The following LZTFL1 variants were observed in gnomAD, a reference collection of about 807,000 sequenced individuals.
The protein encoded by LZTFL1 is leucine zipper transcription factor like 1.
LZTFL1 carries 25 observed loss-of-function variants against 45.9 expected under a neutral mutation model. The ratio of observed to expected loss-of-function variants is 0.54; its 90% CI spans 0.40 to 0.76. The LOEUF (loss-of-function observed/expected upper bound fraction) is 0.76, where lower values mean the gene tolerates loss of function less well. Ranked by LOEUF, LZTFL1 falls within the 30% of genes least tolerant of loss-of-function variation. The pLI is 0.00. For synonymous variants in LZTFL1, 93 were observed against 117.4 expected, an observed-to-expected ratio of 0.79 and a Z score of 1.35; for missense variants, 277 against 331.1, an observed-to-expected ratio of 0.84 and a Z score of 1.27.
At chr3:45,835,214 G>A (rs539284458) in intron 3 of LZTFL1, 1 of 163,368 alleles carries the variant, frequency 6.1e-6, no homozygotes, top group Admixed American at 6.4e-5. Flanking sequence ...TTGAATTGAT[G>A]GTATTTATTA....
rs190300001 is a variant in LZTFL1, at chr3:45,825,265, C to G, written c.*1049G>C. The G allele has an allele frequency of 3.8e-4, 66 of 173,130 alleles. 1 individual carries two copies. The highest frequency in any genetic ancestry group is 3.5e-3 in the East Asian group (24 of 6,788). The allele number at this position is 173,130 out of a possible 1,614,324, so 10.7% of individuals were successfully genotyped here. ...TTAATATGTGAAAAGTAAGGACTTT[C>G]CTTCTGAGGGATTATTGCTTTATGG... On this transcript the variant is annotated 3_prime_UTR_variant, in exon 10 of 10. Transcript: ENST00000296135.
At chr3:45,837,172 A>G (rs1408207449) in intron 2 of LZTFL1, among the ~76,000 whole-genome samples, 1 of 152,166 alleles carries the variant, frequency 6.6e-6, no homozygotes, top group African/African-American at 2.4e-5. Flanking sequence ...AAAAACCACA[A>G]CTTTTTAAAT....
chr3:45,852,895 C>G (rs1376388805), intron 4 of LZTFL1, among the ~76,000 whole-genome samples: 1 of 152,176 alleles, frequency 6.6e-6, no homozygotes, highest in Non-Finnish European at 1.5e-5. Flanking sequence ...CTCTTTAAAT[C>G]AGAAGTTAGG....
chr3:45,856,049 T>A (rs184123296), intron 3 of LZTFL1, among the ~76,000 whole-genome samples: 40 of 152,104 alleles, frequency 2.6e-4, no homozygotes, highest in African/African-American at 6.5e-4. Context: ...AGAAAAAAAA[T>A]TTTTTAATTC....
intron 2 of LZTFL1, among the ~76,000 whole-genome samples, chr3:45,905,369 A>G (rs1702660469): frequency 6.6e-6 from 1 of 152,234 alleles, no homozygotes; most frequent in Non-Finnish European, 1.5e-5. Context: ...ACAGCTAATG[A>G]CCCATTTAAT....
chr3:45,888,477 C>T (rs1702050214), intron 2 of LZTFL1, among the ~76,000 whole-genome samples: 1 of 152,202 alleles, frequency 6.6e-6, no homozygotes, highest in African/African-American at 2.4e-5. Context: ...GGACATGGAT[C>T]ATGTCTTACA....
chr3:45,843,940 T>G (rs1701177445), upstream of LZTFL1, among the ~76,000 whole-genome samples: 1 of 152,214 alleles, frequency 6.6e-6, no homozygotes, highest in Admixed American at 6.5e-5. Context: ...TTAGGCTCTG[T>G]TTTTATTTAT....
rs1700657650 is a variant in LZTFL1 at position 45,826,216 on chromosome 3, A to C, written c.*98T>G. On this transcript the variant is annotated 3_prime_UTR_variant, in exon 10 of 10. Transcript: ENST00000296135. ...TCAAAGTCTAAATATTAGAAAAATA[A>C]GGAGAGGGGATATGACAAAATGCTT... The C allele has an allele frequency of 2.0e-6, 2 of 987,050 alleles. No individual in the cohort carries two copies. The highest frequency in any genetic ancestry group is 4.2e-5 in the Admixed American group (2 of 47,384). The allele number at this position is 987,050 out of a possible 1,614,324, so 61.1% of individuals were successfully genotyped here.
chr3:45,895,066 G>A (rs1702310000), intron 2 of LZTFL1: 1 of 1,171,984 alleles, frequency 8.5e-7, no homozygotes, highest in African/African-American at 1.5e-5. Context: ...TGGTTTCCCA[G>A]GGTAAGATCT....
At chr3:45,844,706 A>G (rs996183932), upstream of LZTFL1, among the ~76,000 whole-genome samples, 2 of 152,216 alleles carry the variant, frequency 1.3e-5, no homozygotes, top group African/African-American at 4.8e-5. Flanking sequence ...ATAGAAGAGA[A>G]GGGCCCAGAT....
At chr3:45,910,184 G>T (rs1260203614) in intron 2 of LZTFL1, among the ~76,000 whole-genome samples, 2 of 152,142 alleles carry the variant, frequency 1.3e-5, no homozygotes, top group African/African-American at 4.8e-5. Context: ...GGGGGTTAGG[G>T]GTGGTGCAAG....
chr3:45,835,674 T>C lies in LZTFL1; in HGVS notation c.239A>G (p.Asn80Ser), dbSNP rs775250171. 5 of 1,613,974 alleles carry C rather than the reference T, an allele frequency of 3.1e-6. No individual in the cohort carries two copies. In the South Asian group the frequency reaches 4.4e-5, roughly 14 times the overall value. The change falls in exon 3 of 10, where the codon AAT (asparagine) becomes AGT (serine). Residue 80 changes from asparagine (N) to serine (S), a missense_variant. Asn to Ser is a conservative substitution (Grantham distance 46). Transcript: ENST00000296135. ...ESELINTAYTNVLLLRQLFAQ... is the reference protein window; with the variant it reads ...ESELINTAYTSVLLLRQLFAQ... ...AAACAGCTGTCGCAGAAGTAACACA[T>C]TGGTATAGGCAGTGTTGATGAGCTC... is the stretch of plus-strand genomic sequence containing the variant.
At chr3:45,841,922 C>T in intron 1 of LZTFL1, 67 bp downstream of exon 1, 2 of 1,581,922 alleles carry the variant, frequency 1.3e-6, no homozygotes, top group East Asian at 2.3e-5. Flanking sequence ...CCCACCCGCT[C>T]AGTGTCTCCA....
At position 45,847,966 on chromosome 3, in the gene LZTFL1, G is replaced by A. The variant is rs529247866; in HGVS notation, c.-49+7020C>T. ...AGTGGTGTCTTGAAACTCACCTACT[G>A]CCTCTTAGTTGGCAGAAGCTGCCAA... is the stretch of plus-strand genomic sequence containing the variant. On this transcript the variant is annotated intron_variant, in intron 4 of 4. Coordinates refer to the LZTFL1 transcript ENST00000472635. Among the ~76,000 whole-genome samples the A allele has an allele frequency of 5.9e-5, 9 of 152,172 alleles. No individual in the cohort carries two copies. The East Asian group carries it at 1.4e-3, about 23-fold the overall frequency.
intron 4 of LZTFL1, among the ~76,000 whole-genome samples, chr3:45,853,014 C>T (rs1701331021): frequency 6.6e-6 from 1 of 152,168 alleles, no homozygotes; most frequent in Admixed American, 6.5e-5. Context: ...TGGTTGCAGC[C>T]CACTATTTTT....
At chr3:45,886,495 G>C (rs1701984458) in intron 2 of LZTFL1, 1 of 152,234 alleles carries the variant, frequency 6.6e-6, no homozygotes, top group Non-Finnish European at 1.5e-5. Context: ...CACAGGCAGG[G>C]GTGGCCTGGC....
chr3:45,842,046 G>A lies in LZTFL1; in HGVS notation c.-55C>T, dbSNP rs1230055092. On this transcript the variant is annotated 5_prime_UTR_variant, in exon 1 of 10. Coordinates refer to ENST00000296135, the MANE Select transcript of LZTFL1 (RefSeq NM_020347.4). ...AACGGGAGAGGCCAGGCGGTGCCCC[G>A]CCAAGCCTGGGATCGCCGAGGGTAG... 8 of 1,602,442 alleles carry A rather than the reference G, an allele frequency of 5.0e-6. No individual in the cohort carries two copies. The highest frequency in any genetic ancestry group is 2.3e-5 in the East Asian group (1 of 44,364).
At chr3:45,838,403 C>T (rs758914172) in intron 1 of LZTFL1, among the ~76,000 whole-genome samples, 2 of 152,130 alleles carry the variant, frequency 1.3e-5, no homozygotes, top group Non-Finnish European at 2.9e-5. Flanking sequence ...CTGGGGGAGC[C>T]GCAAGATGAA....
chr3:45,880,770 C>T (rs1701843182), intron 2 of LZTFL1, among the ~76,000 whole-genome samples: 1 of 152,114 alleles, frequency 6.6e-6, no homozygotes, highest in Non-Finnish European at 1.5e-5. Flanking sequence ...CTTCTTGTCA[C>T]TCAGGCCTTA....
Sources: allele counts gnomAD v4.1 joint callset (sites outside exome capture counted in the v4.1 genomes callset), GRCh38; gene constraint gnomAD v4.1.1; transcripts MANE v1.5; gene names NCBI Gene and HGNC (gene_info 2026-07-23, HGNC 2026-07-21).